Variants in CSGALNACT1 observed in about 807,000 individuals in gnomAD.
The protein encoded by CSGALNACT1 is beta4GalNAcT-1.
In CSGALNACT1, 52 loss-of-function variants were observed where a neutral mutation model predicts 51.0. The ratio of observed to expected loss-of-function variants is 1.02; its 90% CI spans 0.82 to 1.29. The LOEUF is 1.29. CSGALNACT1 is among the 50% of genes most tolerant of loss of function. The pLI is 0.00. For synonymous variants in CSGALNACT1, 341 were observed against 254.4 expected, an observed-to-expected ratio of 1.34 and a Z score of -3.24; for missense variants, 935 against 679.2, an observed-to-expected ratio of 1.38 and a Z score of -4.19.
intron 3 of CSGALNACT1, among the ~76,000 whole-genome samples, chr8:19,506,332 G>GA (rs1170347008): frequency 4.6e-5 from 7 of 152,146 alleles, no homozygotes; most frequent in Non-Finnish European, 7.4e-5. Flanking sequence ...AAAGGACAGA[G>GA]AAAAAAGATT....
chr8:19,632,633 C>T (rs555174009), intron 1 of CSGALNACT1, among the ~76,000 whole-genome samples: 29 of 152,310 alleles, frequency 1.9e-4, no homozygotes, highest in African/African-American at 6.3e-4. Flanking sequence ...ATGGCAACAT[C>T]GAACATAAGA....
At chr8:19,493,452 C>A (rs1006209493) in intron 4 of CSGALNACT1, among the ~76,000 whole-genome samples, 1 of 144,448 alleles carries the variant, frequency 6.9e-6, no homozygotes, top group Non-Finnish European at 1.5e-5. Context: ...TGCGTCTTCT[C>A]CAAAAGAAAC....
intron 3 of CSGALNACT1, among the ~76,000 whole-genome samples, chr8:19,551,130 G>C (rs2087948022): frequency 6.6e-6 from 1 of 151,720 alleles, no homozygotes; most frequent in African/African-American, 2.4e-5. Context: ...GCAGAACAAT[G>C]AAGAAAAAAA....
At chr8:19,487,516 C>T (rs989644077) in intron 4 of CSGALNACT1, among the ~76,000 whole-genome samples, 3 of 152,062 alleles carry the variant, frequency 2.0e-5, no homozygotes, top group Non-Finnish European at 4.4e-5. Context: ...AGAATCTAAT[C>T]GCTATTAACA....
At chr8:19,569,012 T>A (rs576439899) in intron 3 of CSGALNACT1, among the ~76,000 whole-genome samples, 1 of 152,306 alleles carries the variant, frequency 6.6e-6, no homozygotes, top group East Asian at 1.9e-4. Flanking sequence ...AAATGAACCA[T>A]GATGCAATTT....
At position 19,455,927 on chromosome 8, in the gene CSGALNACT1, C is replaced by T. The variant is rs561733602; in HGVS notation, c.851+2499G>A. Among the ~76,000 whole-genome samples the T allele has an allele frequency of 2.6e-5, 4 of 152,352 alleles. No individual in the cohort carries two copies. In the East Asian group the frequency reaches 5.8e-4, roughly 22 times the overall value. ...ACATGCAAAAGGCTCTCAAAACATC[C>T]TCTCCAGGTCACAAGTCTTCCGCCA... On this transcript the variant is annotated intron_variant, in intron 5 of 9. Transcript: ENST00000454498.
intron 3 of CSGALNACT1, among the ~76,000 whole-genome samples, chr8:19,584,927 G>A (rs2046312221): frequency 6.6e-6 from 1 of 152,156 alleles, no homozygotes; most frequent in African/African-American, 2.4e-5. Context: ...GGATGGGGCA[G>A]GGGGACCTCA....
At chr8:19,459,977 C>G (rs1466886544) in intron 4 of CSGALNACT1, among the ~76,000 whole-genome samples, 1 of 152,170 alleles carries the variant, frequency 6.6e-6, no homozygotes, top group Non-Finnish European at 1.5e-5. Context: ...TCAGAACAAG[C>G]CTCCCTAGGG....
chr8:19,749,319 CTT>C (rs920631273), intron 1 of CSGALNACT1, among the ~76,000 whole-genome samples: 1 of 150,938 alleles, frequency 6.6e-6, no homozygotes, highest in African/African-American at 2.4e-5. Context: ...GAAACAAACT[CTT>C]CTCCAATTCG....
chr8:19,526,342 T>C (rs868112265), intron 3 of CSGALNACT1, among the ~76,000 whole-genome samples: 28 of 152,328 alleles, frequency 1.8e-4, no homozygotes, highest in Middle Eastern at 6.8e-3. Context: ...CCCAGCACTT[T>C]GGGAAGCTGA....
Position 19,545,477 on chromosome 8 carries a change from CATG to C in CSGALNACT1, c.-296-39350_-296-39348del, listed in dbSNP as rs557840141. Among the ~76,000 whole-genome samples the C allele has an allele frequency of 2.6e-5, 4 of 152,208 alleles. No individual in the cohort carries two copies. In the South Asian group the frequency reaches 8.3e-4, roughly 31 times the overall value. ...TAACTGATGTAGAAAAAGCATAAAA[CATG>C]ATCATTGATTTCTGTCAGATGAAAA... On this transcript the variant is annotated intron_variant, in intron 3 of 9. Coordinates refer to ENST00000454498, the Ensembl canonical transcript of CSGALNACT1.
At chr8:19,750,542 G>C (rs531192515) in intron 1 of CSGALNACT1, among the ~76,000 whole-genome samples, 1 of 152,102 alleles carries the variant, frequency 6.6e-6, no homozygotes, top group African/African-American at 2.4e-5. Context: ...TATACCTTTC[G>C]TTTAATTCTT....
At chr8:19,640,028 G>A (rs1011586178) in intron 1 of CSGALNACT1, among the ~76,000 whole-genome samples, 16 of 151,662 alleles carry the variant, frequency 1.1e-4, no homozygotes, top group Non-Finnish European at 2.2e-4. Context: ...GACTACAGGC[G>A]CACCACCATG....
chr8:19,420,268 C>A lies in CSGALNACT1; in HGVS notation c.1132+72G>T, dbSNP rs910312079. 13 of 1,351,052 alleles carry A rather than the reference C, an allele frequency of 9.6e-6. No individual in the cohort carries two copies. In the Admixed American group the frequency reaches 2.0e-4, roughly 21 times the overall value. The allele number at this position is 1,351,052 out of a possible 1,614,324, so 83.7% of individuals were successfully genotyped here. ...GAAGCAGGACATCAGAGTGACTGAC[C>A]CATCAAGAGGACGACACATGGGCCC... On this transcript the variant is annotated intron_variant, in intron 7 of 9. Transcript: ENST00000454498.
At chr8:19,486,328 G>C (rs1280471855) in intron 4 of CSGALNACT1, among the ~76,000 whole-genome samples, 3 of 152,018 alleles carry the variant, frequency 2.0e-5, no homozygotes, top group Non-Finnish European at 4.4e-5. Flanking sequence ...GGTGGTCTCT[G>C]AGCTTCTGCC....
intron 5 of CSGALNACT1, among the ~76,000 whole-genome samples, chr8:19,456,688 A>T (rs1225140724): frequency 1.3e-5 from 2 of 152,166 alleles, no homozygotes; most frequent in Admixed American, 6.5e-5. Context: ...CACTGCAAAC[A>T]ATTATGCGAT....
intron 1 of CSGALNACT1, among the ~76,000 whole-genome samples, chr8:19,635,922 G>T (rs1490647201): frequency 6.6e-6 from 1 of 152,100 alleles, no homozygotes; most frequent in Non-Finnish European, 1.5e-5. Flanking sequence ...TAGAGACAGG[G>T]TTTCACCATG....
At chr8:19,639,381 C>T (rs996119856) in intron 1 of CSGALNACT1, among the ~76,000 whole-genome samples, 1 of 152,106 alleles carries the variant, frequency 6.6e-6, no homozygotes, top group Admixed American at 6.6e-5. Context: ...AATTTTGCTC[C>T]CAATTTTCCA....
At position 19,654,761 on chromosome 8, in the gene CSGALNACT1, T is replaced by A. The variant is rs146586474; in HGVS notation, c.-544+27712A>T. ...GGTTTTGCTATGTTGCCCCGGCTAGTCTTGAACTCCTGAGCTCAAGCAATC... is the reference window on the plus strand; with the variant it reads ...GGTTTTGCTATGTTGCCCCGGCTAGACTTGAACTCCTGAGCTCAAGCAATC... On this transcript the variant is annotated intron_variant, in intron 1 of 9. Coordinates refer to the CSGALNACT1 transcript ENST00000332246. Among the ~76,000 whole-genome samples the A allele has an allele frequency of 5.0e-3, 758 of 152,202 alleles. 6 individuals are homozygous for A. Among genetic ancestry groups the A allele is most frequent in the Non-Finnish European group, 8.3e-3 (563 of 68,020 alleles).
Sources: allele counts gnomAD v4.1 joint callset (sites outside exome capture counted in the v4.1 genomes callset), GRCh38; gene constraint gnomAD v4.1.1; transcripts MANE v1.5; gene names NCBI Gene and HGNC (gene_info 2026-07-23, HGNC 2026-07-21).